Variants in CD24 observed in about 807,000 individuals in gnomAD.
CD24 encodes signal transducer CD24.
A neutral mutation model predicts 3.6 loss-of-function variants in CD24; 2 were observed. The observed-to-expected ratio is 0.56, with a 90% confidence interval of 0.23 to 1.77. The LOEUF is 1.77. Ranked by LOEUF, CD24 falls within the 40% of genes most tolerant of loss-of-function variation. The pLI is 0.18. For missense variants in CD24, 62 were observed against 93.6 expected, an observed-to-expected ratio of 0.66 and a Z score of 1.39; for synonymous variants, 33 against 44.9, an observed-to-expected ratio of 0.74 and a Z score of 1.06.
chr6:106,973,704 G>T, intron 1 of CD24: 1 of 398,572 alleles, frequency 2.5e-6, no homozygotes, highest in Non-Finnish European at 4.4e-6. Flanking sequence ...GGTCTCCCAG[G>T]CCCAGCCCCC....
At chr6:106,973,689 G>C (rs1290539445) in intron 1 of CD24, 3 of 398,626 alleles carry the variant, frequency 7.5e-6, no homozygotes, top group Non-Finnish European at 1.3e-5. Flanking sequence ...CCCCGCCCCC[G>C]CTAGGGTCTC....
chr6:106,975,866 GC>G (rs1773101043), upstream of CD24, among the ~76,000 whole-genome samples: 1 of 152,260 alleles, frequency 6.6e-6, no homozygotes, highest in South Asian at 2.1e-4. Context: ...CGTTTAAAGA[GC>G]AGAACCGTTC....
chr6:106,970,617 G>A lies in CD24; in HGVS notation c.*1044C>T, dbSNP rs1772947943. 3.9e-5 allele frequency: 6 copies of A among 152,118 alleles called. No homozygotes were observed. Among genetic ancestry groups the A allele is most frequent in the Admixed American group, 3.9e-4 (6 of 15,262 alleles). 9.4% of individuals were successfully genotyped at this position (152,118 alleles called of 1,614,324 possible). ...ACCTGAGGTCAGGAGTTCGAAACCA[G>A]CCTGGGCAACATGGTGAAACCCTGT... is the stretch of plus-strand genomic sequence containing the variant. On this transcript the variant is annotated 3_prime_UTR_variant, in exon 2 of 2. Transcript: ENST00000606017.
At chr6:106,975,363 G>T, upstream of CD24, 1 of 151,002 alleles carries the variant, frequency 6.6e-6, no homozygotes, top group Non-Finnish European at 1.5e-5. Context: ...CGGGCCGGAC[G>T]CTCACCCTGG....
chr6:106,975,439 T>A (rs1229045472), upstream of CD24: 1 of 149,190 alleles, frequency 6.7e-6, no homozygotes, highest in Non-Finnish European at 1.5e-5. Flanking sequence ...TCGCAGGCGG[T>A]GTCCGGGTCC....
chr6:106,973,617 T>A, intron 1 of CD24: 1 of 398,460 alleles, frequency 2.5e-6, no homozygotes, highest in Non-Finnish European at 4.4e-6. Context: ...TCGAAGGCGC[T>A]GGAGAGCCGT....
chr6:106,973,407 A>T, intron 1 of CD24: 3 of 359,732 alleles, frequency 8.3e-6, no homozygotes, highest in Non-Finnish European at 9.9e-6. Flanking sequence ...CCCCCATCAA[A>T]GAATTGAGGA....
upstream of CD24, chr6:106,974,748 G>GT: frequency 7.9e-7 from 1 of 1,259,836 alleles, no homozygotes; most frequent in South Asian, 1.5e-5. Flanking sequence ...CGGCGAGCCG[G>GT]CGAGACCTTA....
chr6:106,974,353 G>T (rs1773050733), intron 1 of CD24, among the ~76,000 whole-genome samples: 1 of 152,324 alleles, frequency 6.6e-6, no homozygotes, highest in East Asian at 1.9e-4. Context: ...CGCACGCGGA[G>T]CTGCATTGTT....
intron 1 of CD24, among the ~76,000 whole-genome samples, chr6:106,972,623 G>C (rs1773001665): frequency 6.6e-6 from 1 of 152,168 alleles, no homozygotes; most frequent in Non-Finnish European, 1.5e-5. Flanking sequence ...CCCAGCGTCT[G>C]AGTGGCATCA....
At chr6:106,973,950 T>C in intron 1 of CD24, 1 of 398,500 alleles carries the variant, frequency 2.5e-6, no homozygotes, top group East Asian at 3.6e-5. Context: ...TGACAAGCGA[T>C]GGACGTGAAA....
upstream of CD24, among the ~76,000 whole-genome samples, chr6:106,976,413 A>G (rs1237784707): frequency 2.0e-5 from 3 of 152,332 alleles, no homozygotes; most frequent in East Asian, 3.9e-4. Context: ...CTGAATAGTG[A>G]CTGAATTGGT....
upstream of CD24, among the ~76,000 whole-genome samples, chr6:106,976,808 A>T (rs1773113799): frequency 3.9e-5 from 6 of 152,176 alleles, no homozygotes; most frequent in Admixed American, 3.9e-4. Context: ...TGGAGGTTGC[A>T]GTGAGCAGAG....
chr6:106,971,647 T>C lies in CD24; in HGVS notation c.*14A>G, dbSNP rs1772976219. On this transcript the variant is annotated 3_prime_UTR_variant, in exon 2 of 2. Coordinates refer to ENST00000606017, the MANE Select transcript of CD24 (RefSeq NM_001359084.1). ...GATGGGGAAATTTAGAAGACGTTTC[T>C]TGGCCTGAGTCTCTTAAGAGTAGAG... is the stretch of plus-strand genomic sequence containing the variant. 3 of 1,545,482 alleles carry C rather than the reference T, an allele frequency of 1.9e-6. No individual in the cohort carries two copies. The highest frequency in any genetic ancestry group is 1.2e-5 in the South Asian group (1 of 83,440).
intron 1 of CD24, among the ~76,000 whole-genome samples, chr6:106,972,721 G>C (rs1303223372): frequency 1.3e-5 from 2 of 152,098 alleles, no homozygotes; most frequent in Non-Finnish European, 2.9e-5. Flanking sequence ...AGGCAGATCG[G>C]AGTTTTCAGC....
intron 1 of CD24, among the ~76,000 whole-genome samples, chr6:106,972,456 T>C (rs1206986130): frequency 6.6e-6 from 1 of 151,728 alleles, no homozygotes; most frequent in Non-Finnish European, 1.5e-5. Flanking sequence ...AGAAAATGAG[T>C]TTTTCCTTTA....
chr6:106,974,782 C>T, upstream of CD24: 4 of 845,704 alleles, frequency 4.7e-6, no homozygotes, highest in Non-Finnish European at 6.9e-6. Context: ...CCACAATAGC[C>T]GTGACGTGGC....
intron 1 of CD24, among the ~76,000 whole-genome samples, 163 bp downstream of exon 1, chr6:106,974,415 G>C (rs1015199433): frequency 6.6e-5 from 10 of 152,152 alleles, no homozygotes; most frequent in Non-Finnish European, 8.8e-5. Context: ...GGAAAAATGG[G>C]GTCCACATGG....
At chr6:106,974,742 G>C (rs1441709217), upstream of CD24, 4 of 1,286,148 alleles carry the variant, frequency 3.1e-6, no homozygotes, top group Admixed American at 2.9e-5. Context: ...GGAGCGCGGC[G>C]AGCCGGCGAG....
Sources: allele counts gnomAD v4.1 joint callset (sites outside exome capture counted in the v4.1 genomes callset), GRCh38; gene constraint gnomAD v4.1.1; transcripts MANE v1.5; gene names NCBI Gene and HGNC (gene_info 2026-07-23, HGNC 2026-07-21).